TANGO6: variants seen among roughly 807,000 people sequenced by gnomAD.
The protein encoded by TANGO6 is transport and golgi organization 6 homolog, also known as transport and Golgi organization protein 6 homolog.
TANGO6 carries 90 observed loss-of-function variants against 114.2 expected under a neutral mutation model. The ratio of observed to expected loss-of-function variants is 0.79; its 90% CI spans 0.66 to 0.94. TANGO6 has a LOEUF of 0.94. Among genes scored for constraint, TANGO6 ranks in the 40% least tolerant of loss-of-function variants. TANGO6 has a pLI of 0.00. For missense variants in TANGO6, 1,274 were observed against 1,315.3 expected (o/e 0.97, Z 0.49); for synonymous variants, 477 against 509.8 (o/e 0.94, Z 0.87).
intron 17 of TANGO6, among the ~76,000 whole-genome samples, chr16:69,081,436 C>T (rs1960464264): frequency 1.3e-5 from 2 of 151,610 alleles, no homozygotes; most frequent in South Asian, 4.2e-4. Flanking sequence ...AGTGCAGTGG[C>T]ATGATCTTGG....
intron 15 of TANGO6, among the ~76,000 whole-genome samples, chr16:69,002,424 TG>T (rs1361329932): frequency 1.3e-5 from 2 of 152,162 alleles, no homozygotes; most frequent in Non-Finnish European, 2.9e-5. Flanking sequence ...AGGAGGTGAC[TG>T]GATCATAGGG....
chr16:68,922,939 GTTTTTTTTTT>G (rs531603542), intron 12 of TANGO6, among the ~76,000 whole-genome samples: 8 of 79,052 alleles, frequency 1.0e-4, no homozygotes, highest in Non-Finnish European at 1.7e-4. Context: ...CTTAGGTCAT[GTTTTTTTTTT>G]TTTTTTTTTT....
At chr16:68,988,691 T>C (rs944489097) in intron 15 of TANGO6, among the ~76,000 whole-genome samples, 5 of 137,962 alleles carry the variant, frequency 3.6e-5, no homozygotes, top group African/African-American at 1.4e-4. Flanking sequence ...GTTCTCTCTC[T>C]CTTTTTTTTT....
chr16:68,929,171 G>A (rs901274897), intron 13 of TANGO6, among the ~76,000 whole-genome samples: 5 of 152,018 alleles, frequency 3.3e-5, no homozygotes, highest in South Asian at 2.1e-4. Context: ...CACCTGCCTC[G>A]GCCTCCCAAA....
intron 9 of TANGO6, among the ~76,000 whole-genome samples, chr16:68,904,480 C>G (rs1962823766): frequency 2.0e-5 from 3 of 152,110 alleles, no homozygotes; most frequent in Admixed American, 2.0e-4. Flanking sequence ...GTTATTCATT[C>G]TATTAGAGGA....
chr16:68,863,369 A>G (rs995174841), intron 3 of TANGO6, among the ~76,000 whole-genome samples: 1 of 151,978 alleles, frequency 6.6e-6, no homozygotes, highest in Admixed American at 6.6e-5. Context: ...GCACTTTGGG[A>G]GGCCGAGGTG....
At chr16:69,046,839 T>C (rs748539306) in intron 17 of TANGO6, among the ~76,000 whole-genome samples, 19 of 152,012 alleles carry the variant, frequency 1.2e-4, no homozygotes, top group African/African-American at 3.4e-4. Flanking sequence ...CTAGAAATTA[T>C]ATAATGTGAA....
At chr16:68,973,908 T>G (rs1315763673) in intron 14 of TANGO6, 120 bp from the exon 15 acceptor site, 2 of 1,190,030 alleles carry the variant, frequency 1.7e-6, no homozygotes, top group Admixed American at 2.2e-5. Context: ...CAGCCCTTGC[T>G]GGGAGAGCTT....
chr16:69,006,446 T>A (rs1243651851), intron 15 of TANGO6, among the ~76,000 whole-genome samples: 3 of 152,088 alleles, frequency 2.0e-5, no homozygotes, highest in African/African-American at 4.8e-5. Context: ...TTTCATTTTT[T>A]AAAAAACAGA....
intron 17 of TANGO6, among the ~76,000 whole-genome samples, chr16:69,042,455 G>A (rs868687356): frequency 5.3e-5 from 8 of 152,154 alleles, no homozygotes; most frequent in African/African-American, 1.7e-4. Context: ...ACTGAAGCAG[G>A]AGAATCACTT....
At chr16:68,845,801 C>T (rs946028455) in intron 1 of TANGO6, among the ~76,000 whole-genome samples, 2 of 152,184 alleles carry the variant, frequency 1.3e-5, no homozygotes, top group African/African-American at 4.8e-5. Context: ...ACCATGATTA[C>T]ACTAGTGTGC....
At chr16:69,066,022 G>A (rs903588976) in intron 17 of TANGO6, among the ~76,000 whole-genome samples, 2 of 151,990 alleles carry the variant, frequency 1.3e-5, no homozygotes, top group Non-Finnish European at 2.9e-5. Flanking sequence ...CTGCTTCCCC[G>A]GCAGAATTCT....
chr16:68,844,001 A>C (rs1404505619), intron 1 of TANGO6, among the ~76,000 whole-genome samples: 1 of 152,090 alleles, frequency 6.6e-6, no homozygotes, highest in East Asian at 1.9e-4. Context: ...TTCAGTGCTT[A>C]CTGCAGCGCT....
At chr16:68,992,914 C>G (rs1963958432) in intron 15 of TANGO6, among the ~76,000 whole-genome samples, 1 of 151,976 alleles carries the variant, frequency 6.6e-6, no homozygotes, top group Admixed American at 6.6e-5. Context: ...ACTAGAAATA[C>G]AAAAATTAGC....
chr16:68,873,885 T>C (rs546279906), intron 4 of TANGO6, among the ~76,000 whole-genome samples: 21 of 152,310 alleles, frequency 1.4e-4, no homozygotes, highest in African/African-American at 4.8e-4. Flanking sequence ...TTTAAGGTAA[T>C]TTAACCCCTT....
chr16:68,894,481 G>C (rs528336370), intron 7 of TANGO6, among the ~76,000 whole-genome samples: 55 of 152,126 alleles, frequency 3.6e-4, no homozygotes, highest in African/African-American at 1.0e-3. Context: ...AGGAGGAAGG[G>C]GAGGTGTTAC....
intron 17 of TANGO6, among the ~76,000 whole-genome samples, chr16:69,045,600 G>A (rs1439598282): frequency 1.3e-5 from 2 of 150,932 alleles, no homozygotes; most frequent in Admixed American, 6.6e-5. Context: ...AAAATTAGCT[G>A]GGTGTGGTGG....
At chr16:69,050,880 C>T (rs975218607) in intron 17 of TANGO6, among the ~76,000 whole-genome samples, 1 of 152,126 alleles carries the variant, frequency 6.6e-6, no homozygotes, top group African/African-American at 2.4e-5. Flanking sequence ...CTGCCTCAGC[C>T]TCCCAAAGTG....
At chr16:68,935,804 A>G (rs1370749691) in intron 14 of TANGO6, among the ~76,000 whole-genome samples, 1 of 152,132 alleles carries the variant, frequency 6.6e-6, no homozygotes, top group Non-Finnish European at 1.5e-5. Flanking sequence ...TATATTCTCA[A>G]TGTTTTTAAA....
Sources: gnomAD v4.1 joint callset for allele counts (sites outside exome capture counted in the v4.1 genomes callset) on GRCh38, gnomAD v4.1.1 for gene constraint, MANE v1.5 for transcripts, NCBI Gene and HGNC (gene_info 2026-07-23, HGNC 2026-07-21) for gene names.